The following PCDH15 variants were observed in gnomAD, a reference collection of about 807,000 sequenced individuals.
PCDH15 encodes the protein protocadherin-15.
PCDH15 carries 129 observed loss-of-function variants against 178.5 expected under a neutral mutation model. The ratio of observed to expected loss-of-function variants is 0.72; its 90% CI spans 0.63 to 0.84. PCDH15 has a LOEUF of 0.84. Ranked by LOEUF, PCDH15 falls within the 40% of genes least tolerant of loss-of-function variation. The probability of loss-of-function intolerance (pLI) is 0.00; values close to 1 mark genes in which losing one functional copy is unlikely to be tolerated. For synonymous variants in PCDH15, 800 were observed against 732.0 expected (o/e 1.09, Z -1.50); for missense variants, 2,230 against 2,099.9 (o/e 1.06, Z -1.21).
chr10:54,803,800 G>T (rs948611633), upstream of PCDH15, among the ~76,000 whole-genome samples: 1 of 152,154 alleles, frequency 6.6e-6, no homozygotes, highest in Admixed American at 6.5e-5. Context: ...GCTTTAGAAA[G>T]ATTTTGAACA....
chr10:54,775,096 A>C (rs1006589907), intron 1 of PCDH15, among the ~76,000 whole-genome samples: 1 of 152,218 alleles, frequency 6.6e-6, no homozygotes, highest in Non-Finnish European at 1.5e-5. Context: ...AAGTACACAG[A>C]TGCTGTTAGA....
At chr10:54,018,247 A>G (rs1236842193) in intron 20 of PCDH15, among the ~76,000 whole-genome samples, 17 of 152,164 alleles carry the variant, frequency 1.1e-4, no homozygotes, top group Admixed American at 1.1e-3. Context: ...ATGATCTCAC[A>G]TAATAGCTTT....
chr10:55,132,495 C>G (rs921219226), intron 2 of PCDH15, among the ~76,000 whole-genome samples: 1 of 152,044 alleles, frequency 6.6e-6, no homozygotes. Context: ...TGTGAGATAG[C>G]ACTAAAGTAA....
At chr10:54,745,727 A>G (rs1945372823) in intron 1 of PCDH15, among the ~76,000 whole-genome samples, 1 of 152,190 alleles carries the variant, frequency 6.6e-6, no homozygotes, top group Non-Finnish European at 1.5e-5. Flanking sequence ...CAGAAACTGG[A>G]TAATATATAA....
intron 3 of PCDH15, among the ~76,000 whole-genome samples, chr10:54,811,573 C>T (rs1438836367): frequency 1.3e-5 from 2 of 152,116 alleles, no homozygotes; most frequent in East Asian, 1.9e-4. Flanking sequence ...CTAGTACAAG[C>T]GATTCCCCTG....
intron 18 of PCDH15, among the ~76,000 whole-genome samples, chr10:54,061,092 C>T (rs1460282863): frequency 6.6e-6 from 1 of 152,084 alleles, no homozygotes; most frequent in Non-Finnish European, 1.5e-5. Context: ...ACCAGGCCTG[C>T]AGATTTGATC....
chr10:55,426,539 T>A (rs1241308280), intron 2 of PCDH15, among the ~76,000 whole-genome samples: 1 of 152,078 alleles, frequency 6.6e-6, no homozygotes, highest in Non-Finnish European at 1.5e-5. Flanking sequence ...AGAGGGAGTG[T>A]TACAGTGCTC....
At chr10:54,944,592 CT>C (rs1175669304) in intron 2 of PCDH15, among the ~76,000 whole-genome samples, 23 of 151,952 alleles carry the variant, frequency 1.5e-4, no homozygotes, top group African/African-American at 5.5e-4. Flanking sequence ...ACGCTGTTGA[CT>C]AAAGAAAGTC....
Position 54,013,986 on chromosome 10 carries a change from GAATT to G in PCDH15, c.2751+6202_2751+6205del, listed in dbSNP as rs201511885. 5.9e-3 allele frequency among the ~76,000 whole-genome samples: 891 copies of G among 151,484 alleles called. 4 individuals are homozygous for G. The highest frequency in any genetic ancestry group is 0.02 in the African/African-American group (825 of 41,310). ...TAGGAATTATCTTAGTTATTTGAAA[GAATT>G]AATTAGATAGATGGATGAATAGCTA... On this transcript the variant is annotated intron_variant, in intron 20 of 37. Transcript: ENST00000644397.
chr10:55,350,268 T>TATATATACAC (rs1327352441), intron 2 of PCDH15, among the ~76,000 whole-genome samples: 17 of 56,756 alleles, frequency 3.0e-4, no homozygotes, highest in South Asian at 2.5e-3. Context: ...TATATATATA[T>TATATATACAC]ACACACACAC....
At chr10:53,864,058 A>G (rs2079283163) in intron 27 of PCDH15, among the ~76,000 whole-genome samples, 1 of 152,186 alleles carries the variant, frequency 6.6e-6, no homozygotes, top group African/African-American at 2.4e-5. Flanking sequence ...GAGGCAAAAT[A>G]GAGTGATTAC....
At chr10:54,270,383 C>T (rs2057972392) in intron 8 of PCDH15, among the ~76,000 whole-genome samples, 1 of 152,122 alleles carries the variant, frequency 6.6e-6, no homozygotes, top group Admixed American at 6.6e-5. Flanking sequence ...AATACATGAA[C>T]ACATTCTAAA....
At chr10:55,505,086 G>A (rs901403135) in intron 2 of PCDH15, among the ~76,000 whole-genome samples, 1 of 151,154 alleles carries the variant, frequency 6.6e-6, no homozygotes, top group African/African-American at 2.4e-5. Context: ...TTTTGTTTTT[G>A]TTTTTGTTTT....
chr10:54,378,242 T>C (rs540115677), intron 4 of PCDH15, among the ~76,000 whole-genome samples: 2 of 151,770 alleles, frequency 1.3e-5, no homozygotes, highest in African/African-American at 4.9e-5. Context: ...ATAGATATTC[T>C]TAATAAAAAA....
chr10:54,778,903 T>C (rs1200074312), intron 1 of PCDH15, among the ~76,000 whole-genome samples: 1 of 152,058 alleles, frequency 6.6e-6, no homozygotes, highest in Non-Finnish European at 1.5e-5. Context: ...AAAAAAGGCA[T>C]GTTGGCAGTG....
intron 2 of PCDH15, among the ~76,000 whole-genome samples, chr10:55,410,791 A>G (rs1465424013): frequency 6.6e-6 from 1 of 152,102 alleles, no homozygotes; most frequent in Non-Finnish European, 1.5e-5. Context: ...ACAAGGAAGC[A>G]GCAACAGTGA....
intron 3 of PCDH15, among the ~76,000 whole-genome samples, chr10:54,446,666 T>G (rs2136227657): frequency 6.6e-6 from 1 of 151,696 alleles, no homozygotes; most frequent in Non-Finnish European, 1.5e-5. Flanking sequence ...ATCAAGCTCT[T>G]TAATGTATGC....
chr10:53,984,469 A>C (rs1294135359), intron 21 of PCDH15, among the ~76,000 whole-genome samples: 1 of 151,724 alleles, frequency 6.6e-6, no homozygotes, highest in Non-Finnish European at 1.5e-5. Flanking sequence ...TGACTTTTTA[A>C]CTTTTATCCT....
chr10:54,590,834 C>T (rs879783020), intron 2 of PCDH15, among the ~76,000 whole-genome samples: 2 of 151,818 alleles, frequency 1.3e-5, no homozygotes, highest in Admixed American at 6.6e-5. Flanking sequence ...ATGACACAAG[C>T]TAACAAACAA....
Sources: allele counts gnomAD v4.1 joint callset (sites outside exome capture counted in the v4.1 genomes callset), GRCh38; gene constraint gnomAD v4.1.1; transcripts MANE v1.5; gene names NCBI Gene and HGNC (gene_info 2026-07-23, HGNC 2026-07-21).